The following FRMD4A variants were observed in gnomAD, a reference collection of about 807,000 sequenced individuals.
The protein encoded by FRMD4A is FERM domain containing 4A, also known as FERM domain-containing protein 4A.
FRMD4A carries 29 observed loss-of-function variants against 129.1 expected under a neutral mutation model. The observed-to-expected ratio is 0.22, with a 90% confidence interval of 0.17 to 0.31. The LOEUF (loss-of-function observed/expected upper bound fraction) is 0.31, where lower values mean the gene tolerates loss of function less well. Ranked by LOEUF, FRMD4A falls within the 10% of genes least tolerant of loss-of-function variation. The pLI is 1.00. For missense variants in FRMD4A, 1,272 were observed against 1,375.8 expected, an observed-to-expected ratio of 0.92 and a Z score of 1.19; for synonymous variants, 634 against 571.6, an observed-to-expected ratio of 1.11 and a Z score of -1.56.
intron 2 of FRMD4A, among the ~76,000 whole-genome samples, chr10:14,213,455 G>T (rs1842986335): frequency 6.6e-6 from 1 of 152,138 alleles, no homozygotes. Context: ...CTTGTCTGAG[G>T]CCACACAGAC....
intron 2 of FRMD4A, among the ~76,000 whole-genome samples, chr10:14,170,545 C>T (rs769806029): frequency 7.2e-5 from 11 of 152,118 alleles, no homozygotes; most frequent in South Asian, 2.1e-4. Flanking sequence ...AAGACACCAA[C>T]GCTGGGAAGT....
intron 2 of FRMD4A, among the ~76,000 whole-genome samples, chr10:13,983,023 C>A (rs1355900743): frequency 6.6e-6 from 1 of 152,016 alleles, no homozygotes; most frequent in Admixed American, 6.6e-5. Context: ...GGGAAGATCT[C>A]GGCTCACTGC....
intron 2 of FRMD4A, among the ~76,000 whole-genome samples, chr10:14,302,740 A>T (rs1447511384): frequency 6.6e-6 from 1 of 152,226 alleles, no homozygotes; most frequent in Non-Finnish European, 1.5e-5. Context: ...TAATTCCAAA[A>T]GTTAATACTA....
At chr10:13,850,616 T>C (rs758671897) in intron 3 of FRMD4A, among the ~76,000 whole-genome samples, 14 of 152,150 alleles carry the variant, frequency 9.2e-5, no homozygotes, top group South Asian at 2.1e-4. Context: ...TGAGATAAGG[T>C]TCGAAGTCTT....
intron 2 of FRMD4A, among the ~76,000 whole-genome samples, chr10:13,868,874 C>T (rs914153214): frequency 6.6e-6 from 1 of 152,168 alleles, no homozygotes; most frequent in Non-Finnish European, 1.5e-5. Flanking sequence ...AGCTTATACA[C>T]CAGATGGAAG....
At chr10:14,124,880 C>A (rs1344055232) in intron 2 of FRMD4A, among the ~76,000 whole-genome samples, 1 of 152,176 alleles carries the variant, frequency 6.6e-6, no homozygotes, top group Non-Finnish European at 1.5e-5. Flanking sequence ...TTTTTCACCT[C>A]TAGCTGAGCC....
At chr10:14,233,327 T>C (rs1190434573) in intron 2 of FRMD4A, among the ~76,000 whole-genome samples, 2 of 152,188 alleles carry the variant, frequency 1.3e-5, no homozygotes, top group Non-Finnish European at 2.9e-5. Flanking sequence ...CCCAACACTT[T>C]GGGAGGCCGA....
chr10:14,288,351 G>A (rs1845747947), intron 2 of FRMD4A, among the ~76,000 whole-genome samples: 2 of 152,102 alleles, frequency 1.3e-5, no homozygotes, highest in African/African-American at 4.8e-5. Flanking sequence ...GGAGGTAAGG[G>A]AAGGAGACAA....
chr10:13,984,199 G>C (rs2095573002), intron 2 of FRMD4A, among the ~76,000 whole-genome samples: 1 of 152,106 alleles, frequency 6.6e-6, no homozygotes, highest in Admixed American at 6.5e-5. Context: ...GTTAAAACCA[G>C]AGCAGCCCAC....
rs191822000 is a variant in FRMD4A, at chr10:13,745,304, T to G, written c.548+2432A>C. 4.9e-4 allele frequency among the ~76,000 whole-genome samples: 75 copies of G among 152,214 alleles called. 1 individual carries two copies. The highest frequency in any genetic ancestry group is 1.7e-3 in the African/African-American group (69 of 41,518). On this transcript the variant is annotated intron_variant, in intron 9 of 24. Coordinates refer to ENST00000357447, the MANE Select transcript of FRMD4A (RefSeq NM_018027.5). ...TGAAAGGGCCTGTTGTGGTTGTGGT[T>G]GTTGTTTTTCAGTAGGGTATCGTCA...
intron 5 of FRMD4A, among the ~76,000 whole-genome samples, chr10:13,788,763 T>C (rs1450621533): frequency 1.3e-5 from 2 of 152,216 alleles, no homozygotes; most frequent in Admixed American, 6.5e-5. Flanking sequence ...ACGAAATAGG[T>C]GCTCTGTGTT....
intron 2 of FRMD4A, among the ~76,000 whole-genome samples, chr10:14,314,866 C>T (rs1033294483): frequency 1.3e-5 from 2 of 152,232 alleles, no homozygotes; most frequent in Middle Eastern, 3.4e-3. Context: ...CATTCACTTG[C>T]AGCCTGGGTC....
At chr10:13,933,949 GC>G (rs749212833) in intron 2 of FRMD4A, among the ~76,000 whole-genome samples, 4 of 152,204 alleles carry the variant, frequency 2.6e-5, no homozygotes, top group Non-Finnish European at 4.4e-5. Flanking sequence ...GGGAGATACA[GC>G]ATCCTTGACA....
chr10:13,986,370 C>G (rs1017296114), intron 2 of FRMD4A, among the ~76,000 whole-genome samples: 1 of 150,864 alleles, frequency 6.6e-6, no homozygotes, highest in Non-Finnish European at 1.5e-5. Flanking sequence ...AATTGGAAAT[C>G]ATCATTCTCA....
chr10:14,304,168 C>T (rs963054587), intron 2 of FRMD4A, among the ~76,000 whole-genome samples: 2 of 152,148 alleles, frequency 1.3e-5, no homozygotes, highest in African/African-American at 2.4e-5. Context: ...ATTGCTGGAT[C>T]GTATGGTAAT....
At chr10:13,774,150 C>T (rs1031398215) in intron 6 of FRMD4A, among the ~76,000 whole-genome samples, 1 of 152,172 alleles carries the variant, frequency 6.6e-6, no homozygotes, top group East Asian at 1.9e-4. Context: ...CCTGCTCCAC[C>T]GGAAGCACAC....
chr10:14,082,684 C>A (rs567747433), intron 2 of FRMD4A, among the ~76,000 whole-genome samples: 45 of 152,120 alleles, frequency 3.0e-4, no homozygotes, highest in South Asian at 1.9e-3. Context: ...ATGGGAACTG[C>A]TAAAATGTAA....
chr10:13,888,041 CT>C (rs1191921203), intron 2 of FRMD4A, among the ~76,000 whole-genome samples: 1 of 152,202 alleles, frequency 6.6e-6, no homozygotes, highest in African/African-American at 2.4e-5. Flanking sequence ...ACCGTCTGGC[CT>C]TTGTGTGCAA....
chr10:14,173,223 G>T (rs564137312), intron 2 of FRMD4A, among the ~76,000 whole-genome samples: 1 of 152,216 alleles, frequency 6.6e-6, no homozygotes, highest in South Asian at 2.1e-4. Context: ...GAAAACTTTG[G>T]ATCTATCCAT....
Sources: gnomAD v4.1 joint callset for allele counts (sites outside exome capture counted in the v4.1 genomes callset) on GRCh38, gnomAD v4.1.1 for gene constraint, MANE v1.5 for transcripts, NCBI Gene and HGNC (gene_info 2026-07-23, HGNC 2026-07-21) for gene names.